RPA3: variants seen among roughly 807,000 people sequenced by gnomAD.
RPA3 encodes replication protein A 14 kDa subunit.
A neutral mutation model predicts 13.7 loss-of-function variants in RPA3; 24 were observed. The ratio of observed to expected loss-of-function variants is 1.75; its 90% CI spans 1.27 to 2.46. The LOEUF (loss-of-function observed/expected upper bound fraction) is 2.46, where lower values mean the gene tolerates loss of function less well. Ranked by LOEUF, RPA3 falls within the 30% of genes most tolerant of loss-of-function variation. The probability of loss-of-function intolerance (pLI) is 0.00; values close to 1 mark genes in which losing one functional copy is unlikely to be tolerated. For synonymous variants in RPA3, 59 were observed against 51.2 expected (o/e 1.15, Z -0.65); for missense variants, 183 against 151.0 (o/e 1.21, Z -1.11).
chr7:7,637,943 T>C lies in RPA3; in HGVS notation c.204A>G (p.Glu68=). The change falls in exon 7 of 8, where the codon GAA becomes GAG. Residue 68 remains glutamate (E), a synonymous_variant. Transcript: ENST00000223129. The part of the protein sequence containing the change: ...PLDEEISGIV[E]VVGRVTAKAT... ...CCTTGGCGGTTACTCTTCCAACCAC[T>C]TCCACAATTCCAGAGATTTCTTCAT... 1 of 1,613,554 alleles carries C rather than the reference T, an allele frequency of 6.2e-7. No individual in the cohort carries two copies. Among genetic ancestry groups the C allele is most frequent in the African/African-American group, 1.3e-5 (1 of 75,046 alleles).
At chr7:7,663,074 C>A (rs1228949319) in intron 4 of RPA3, among the ~76,000 whole-genome samples, 1 of 152,004 alleles carries the variant, frequency 6.6e-6, no homozygotes, top group African/African-American at 2.4e-5. Flanking sequence ...AGCACAGGCA[C>A]CCAAATGCGA....
intron 2 of RPA3, among the ~76,000 whole-genome samples, chr7:7,714,872 T>A (rs6971629): frequency 6.7e-6 from 1 of 149,334 alleles, no homozygotes; most frequent in Non-Finnish European, 1.5e-5. Flanking sequence ...TTTTTTTTTT[T>A]AGTTGATAGT....
chr7:7,684,845 G>C (rs2115127751), intron 4 of RPA3, among the ~76,000 whole-genome samples: 1 of 152,266 alleles, frequency 6.6e-6, no homozygotes, highest in Non-Finnish European at 1.5e-5. Flanking sequence ...ACAACTATTT[G>C]GGGGTAGTTG....
At chr7:7,650,446 C>G (rs529055375) in intron 4 of RPA3, among the ~76,000 whole-genome samples, 2 of 152,152 alleles carry the variant, frequency 1.3e-5, no homozygotes, top group East Asian at 3.9e-4. Context: ...TAATATTTTA[C>G]TCTTGTAATG....
At chr7:7,663,477 A>G (rs1785528056) in intron 4 of RPA3, among the ~76,000 whole-genome samples, 1 of 152,170 alleles carries the variant, frequency 6.6e-6, no homozygotes, top group Non-Finnish European at 1.5e-5. Context: ...ACCAATATCA[A>G]AAACTACAAA....
chr7:7,706,120 G>A (rs1583757797), intron 2 of RPA3, among the ~76,000 whole-genome samples: 1 of 152,148 alleles, frequency 6.6e-6, no homozygotes, highest in East Asian at 1.9e-4. Flanking sequence ...ATGCTACAAA[G>A]AAAGTAGATT....
At chr7:7,703,198 C>T (rs1390811970) in intron 2 of RPA3, among the ~76,000 whole-genome samples, 2 of 152,162 alleles carry the variant, frequency 1.3e-5, no homozygotes, top group Non-Finnish European at 2.9e-5. Context: ...TTAAAATCCA[C>T]TTGATGTTTG....
intron 4 of RPA3, among the ~76,000 whole-genome samples, chr7:7,646,100 C>A (rs1234326682): frequency 6.6e-6 from 1 of 152,168 alleles, no homozygotes; most frequent in Admixed American, 6.5e-5. Flanking sequence ...GCTCTTTTAG[C>A]CCTGCCGTCT....
intron 2 of RPA3, among the ~76,000 whole-genome samples, chr7:7,688,513 C>A (rs554686643): frequency 6.6e-6 from 1 of 152,196 alleles, no homozygotes; most frequent in African/African-American, 2.4e-5. Context: ...TGCAGAGTGC[C>A]CAGCTTGTTT....
At chr7:7,663,452 C>T (rs1261129424) in intron 4 of RPA3, among the ~76,000 whole-genome samples, 1 of 152,082 alleles carries the variant, frequency 6.6e-6, no homozygotes, top group Non-Finnish European at 1.5e-5. Flanking sequence ...GGCATCTGTA[C>T]CTCTTCCCCA....
At chr7:7,662,348 A>G (rs927020736) in intron 4 of RPA3, among the ~76,000 whole-genome samples, 1 of 152,072 alleles carries the variant, frequency 6.6e-6, no homozygotes, top group African/African-American at 2.4e-5. Flanking sequence ...TCTAGGGGCC[A>G]GTGGGGTATG....
rs1205477014 is a variant in RPA3, at chr7:7,712,734, C to T, written c.-1028+2441G>A. 2.0e-5 allele frequency among the ~76,000 whole-genome samples: 3 copies of T among 152,298 alleles called. No individual in the cohort carries two copies. The East Asian group carries it at 5.8e-4, about 29-fold the overall frequency. ...TGAAGAGAAGTGTCAAAGAAAACAT[C>T]TTTTCCCCACTTTTGATTGTAAAAA... is the stretch of plus-strand genomic sequence containing the variant. On this transcript the variant is annotated intron_variant, in intron 2 of 7. Transcript: ENST00000223129.
chr7:7,679,998 A>G (rs189732062), intron 4 of RPA3, among the ~76,000 whole-genome samples: 1 of 151,906 alleles, frequency 6.6e-6, no homozygotes, highest in East Asian at 1.9e-4. Flanking sequence ...TTGTCTCTTT[A>G]CTGTTGATTA....
intron 4 of RPA3, among the ~76,000 whole-genome samples, chr7:7,667,047 G>T (rs1392250716): frequency 6.6e-6 from 1 of 152,178 alleles, no homozygotes; most frequent in Non-Finnish European, 1.5e-5. Flanking sequence ...AACCTCAGGT[G>T]ATCCACCCGC....
At chr7:7,661,742 G>A (rs760338978) in intron 4 of RPA3, among the ~76,000 whole-genome samples, 5 of 152,122 alleles carry the variant, frequency 3.3e-5, no homozygotes, top group Admixed American at 2.0e-4. Flanking sequence ...GGTGTCTGTC[G>A]GCCCCTGCTG....
chr7:7,700,200 C>T lies in RPA3; in HGVS notation c.-1027-12872G>A, dbSNP rs575744255. 7.2e-5 allele frequency among the ~76,000 whole-genome samples: 11 copies of T among 152,272 alleles called. No individual in the cohort carries two copies. The East Asian group carries it at 2.1e-3, about 29-fold the overall frequency. ...AAATAGGCAGTCTGGTGAGGGCCTT[C>T]TTTCTGTTCATAGATGGCACTTTCT... is the stretch of plus-strand genomic sequence containing the variant. On this transcript the variant is annotated intron_variant, in intron 2 of 7. Transcript: ENST00000223129.
chr7:7,701,694 C>T (rs1429134751), intron 2 of RPA3, among the ~76,000 whole-genome samples: 1 of 152,082 alleles, frequency 6.6e-6, no homozygotes. Context: ...AAGAGAATGA[C>T]AGGGTATTTA....
chr7:7,659,318 G>T (rs1251008866), intron 4 of RPA3, among the ~76,000 whole-genome samples: 1 of 151,998 alleles, frequency 6.6e-6, no homozygotes, highest in East Asian at 1.9e-4. Flanking sequence ...TTTTTGCTCT[G>T]ATCTTAGTTA....
At chr7:7,708,660 T>G (rs1470658234) in intron 2 of RPA3, among the ~76,000 whole-genome samples, 1 of 152,330 alleles carries the variant, frequency 6.6e-6, no homozygotes, top group African/African-American at 2.4e-5. Flanking sequence ...AATATACTTT[T>G]CCTACTACTT....
Sources: gnomAD v4.1 joint callset for allele counts (sites outside exome capture counted in the v4.1 genomes callset) on GRCh38, gnomAD v4.1.1 for gene constraint, MANE v1.5 for transcripts, NCBI Gene and HGNC (gene_info 2026-07-23, HGNC 2026-07-21) for gene names.